ADAMTS3: variants seen among roughly 807,000 people sequenced by gnomAD.
The protein encoded by ADAMTS3 is ADAM metallopeptidase with thrombospondin type 1 motif 3, also known as A disintegrin and metalloproteinase with thrombospondin motifs 3.
Under a neutral mutation model 129.0 loss-of-function variants are expected in ADAMTS3, and 73 were observed. The observed-to-expected ratio is 0.57, with a 90% CI of 0.47 to 0.69. The LOEUF is 0.69. ADAMTS3 is among the 30% of genes least tolerant of loss of function. ADAMTS3 has a pLI of 0.00. For missense variants in ADAMTS3, 1,457 were observed against 1,514.5 expected, an observed-to-expected ratio of 0.96 and a Z score of 0.63; for synonymous variants, 477 against 510.8, an observed-to-expected ratio of 0.93 and a Z score of 0.89.
At chr4:72,522,646 A>T (rs1471969159) in intron 3 of ADAMTS3, among the ~76,000 whole-genome samples, 2 of 152,172 alleles carry the variant, frequency 1.3e-5, no homozygotes, top group Non-Finnish European at 2.9e-5. Flanking sequence ...TATGCTTACC[A>T]TCAAGTGGAA....
intron 3 of ADAMTS3, among the ~76,000 whole-genome samples, chr4:72,449,771 T>C (rs928235932): frequency 1.3e-5 from 2 of 151,910 alleles, no homozygotes; most frequent in Non-Finnish European, 2.9e-5. Flanking sequence ...TTTTGTCTTT[T>C]AATGCCCACT....
chr4:72,369,497 G>C (rs1720951208), intron 4 of ADAMTS3, among the ~76,000 whole-genome samples: 1 of 152,086 alleles, frequency 6.6e-6, no homozygotes, highest in South Asian at 2.1e-4. Context: ...GATCACTTGA[G>C]GTCAGGAGTT....
At chr4:72,447,638 A>T (rs1481673) in intron 3 of ADAMTS3, among the ~76,000 whole-genome samples, 147,758 of 151,782 alleles carry the variant, frequency 0.97, 72,061 homozygotes, top group East Asian at 1. Flanking sequence ...ATGACCTAAG[A>T]TTAATAGAGA....
chr4:72,426,019 T>C (rs906814973), intron 3 of ADAMTS3, among the ~76,000 whole-genome samples: 2 of 152,170 alleles, frequency 1.3e-5, no homozygotes, highest in African/African-American at 2.4e-5. Context: ...TTTTAATGAT[T>C]GCCATTCTAA....
At chr4:72,388,370 T>C (rs1721500179) in intron 4 of ADAMTS3, among the ~76,000 whole-genome samples, 1 of 152,186 alleles carries the variant, frequency 6.6e-6, no homozygotes. Flanking sequence ...CCACTGCCTG[T>C]ATATTGAGGC....
chr4:72,393,800 A>G (rs1578641060), intron 4 of ADAMTS3, among the ~76,000 whole-genome samples: 1 of 152,242 alleles, frequency 6.6e-6, no homozygotes. Flanking sequence ...GATCCAGGCT[A>G]GGAAAGAAGG....
At position 72,283,338 on chromosome 4, in the gene ADAMTS3, C is replaced by T. The variant is rs1202472981; in HGVS notation, c.3416G>A (p.Ser1139Asn). 6.8e-6 allele frequency: 11 copies of T among 1,613,736 alleles called. No homozygotes were observed. The highest frequency in any genetic ancestry group is 1.3e-5 in the African/African-American group (1 of 74,906). Reference protein sequence around the residue: ...LRQRSAQQAGSKTVRLVTVPS... With the variant: ...LRQRSAQQAGNKTVRLVTVPS... ...TACGGTGACCAGTCTCACAGTCTTA[C>T]TTCCTGCTTGCTGAGCACTCCTCTG... The change falls in exon 22 of 22, where the codon AGT becomes AAT. Residue 1139 changes from serine to asparagine, a missense_variant. Ser to Asn is a conservative substitution (Grantham distance 46, BLOSUM62 1). Transcript: ENST00000286657.
At chr4:72,368,352 A>C (rs1720923045) in intron 4 of ADAMTS3, among the ~76,000 whole-genome samples, 1 of 152,218 alleles carries the variant, frequency 6.6e-6, no homozygotes. Flanking sequence ...TTGGAAATAT[A>C]TCTTAGAATA....
intron 4 of ADAMTS3, among the ~76,000 whole-genome samples, chr4:72,344,226 G>GGACA (rs1720213540): frequency 6.6e-6 from 1 of 152,062 alleles, no homozygotes; most frequent in Non-Finnish European, 1.5e-5. Context: ...TGCTGATTAT[G>GGACA]GACACTAAGG....
Position 72,283,658 on chromosome 4 carries a change from C to T in ADAMTS3, c.3096G>A (p.Val1032=), listed in dbSNP as rs1229747836. 1 of 1,611,154 alleles carries T rather than the reference C, an allele frequency of 6.2e-7. No homozygotes were observed. Among genetic ancestry groups the T allele is most frequent in the East Asian group, 2.2e-5 (1 of 44,810 alleles). Residue 1032 remains valine (V), a synonymous_variant, in exon 22 of 22, where the codon GTG becomes GTA. Transcript: ENST00000286657. ...GDKSIFCQME[V]LARYCSIPGY... is the part of the protein sequence containing the mutation. ...CTGGTATGGAGCAGTATCGTGCCAA[C>T]ACTTCCATTTGACAGAATATGGACT...
At chr4:72,302,926 G>A (rs1228249411) in intron 17 of ADAMTS3, among the ~76,000 whole-genome samples, 1 of 152,098 alleles carries the variant, frequency 6.6e-6, no homozygotes, top group African/African-American at 2.4e-5. Context: ...GGCTGAGGCT[G>A]AGATCTGTTA....
intron 4 of ADAMTS3, among the ~76,000 whole-genome samples, chr4:72,385,052 A>G (rs1721409114): frequency 6.6e-6 from 1 of 151,898 alleles, no homozygotes; most frequent in South Asian, 2.1e-4. Context: ...GGTGGCGGGC[A>G]CCTGTAGTCC....
chr4:72,396,206 G>C (rs746152931), intron 4 of ADAMTS3, among the ~76,000 whole-genome samples: 1 of 152,176 alleles, frequency 6.6e-6, no homozygotes, highest in Non-Finnish European at 1.5e-5. Flanking sequence ...TAGCCAGTCT[G>C]AGTCACAGGT....
rs1233938325 is a variant in ADAMTS3 at position 72,306,042 on chromosome 4, G to A, written c.2205C>T (p.Pro735=). The A allele has an allele frequency of 1.2e-6, 2 of 1,608,016 alleles. No individual in the cohort carries two copies. The highest frequency in any genetic ancestry group is 1.1e-5 in the South Asian group (1 of 90,170). The change falls in exon 16 of 22, where the codon CCC becomes CCT. Residue 735 remains proline (P), a synonymous_variant. Coordinates refer to ENST00000286657, the MANE Select transcript of ADAMTS3 (RefSeq NM_014243.3). The stretch of plus-strand genomic sequence containing the variant: ...GGATTAACACATGTCTAGCCCCAGG[G>A]GGTATATCAAACATCTTAAGGTACC... ...KLGYLKMFDI[P]PGARHVLIQE...
At chr4:72,411,161 T>A (rs1339956279) in intron 4 of ADAMTS3, among the ~76,000 whole-genome samples, 3 of 151,990 alleles carry the variant, frequency 2.0e-5, no homozygotes, top group Admixed American at 6.6e-5. Flanking sequence ...CTATTAAGAG[T>A]CAAGGAAGAA....
chr4:72,432,396 T>G (rs184259198), intron 3 of ADAMTS3, among the ~76,000 whole-genome samples: 1 of 152,002 alleles, frequency 6.6e-6, no homozygotes, highest in Admixed American at 6.6e-5. Context: ...CTAGCTCTAA[T>G]ACCATTTCCC....
intron 4 of ADAMTS3, among the ~76,000 whole-genome samples, chr4:72,383,788 A>G (rs1721362722): frequency 6.6e-6 from 1 of 152,192 alleles, no homozygotes; most frequent in Non-Finnish European, 1.5e-5. Flanking sequence ...ACAATTCAAA[A>G]TTAGATACAT....
intron 3 of ADAMTS3, among the ~76,000 whole-genome samples, chr4:72,421,045 A>C (rs1578664766): frequency 6.6e-6 from 1 of 152,368 alleles, no homozygotes; most frequent in South Asian, 2.1e-4. Context: ...ATTTGAGGGA[A>C]GGTCAATAGA....
At chr4:72,457,858 T>C (rs1263618830) in intron 3 of ADAMTS3, among the ~76,000 whole-genome samples, 1 of 151,514 alleles carries the variant, frequency 6.6e-6, no homozygotes, top group Non-Finnish European at 1.5e-5. Context: ...TTTGTTGTTG[T>C]TGTTGTTGTT....
Sources: allele counts gnomAD v4.1 joint callset (sites outside exome capture counted in the v4.1 genomes callset), GRCh38; gene constraint gnomAD v4.1.1; transcripts MANE v1.5; gene names NCBI Gene and HGNC (gene_info 2026-07-23, HGNC 2026-07-21).